The following KLF12 variants were observed in gnomAD, a reference collection of about 807,000 sequenced individuals.
KLF12 encodes the protein KLF transcription factor 12.
KLF12 carries 9 observed loss-of-function variants against 37.8 expected under a neutral mutation model. The ratio of observed to expected loss-of-function variants is 0.24; its 90% CI spans 0.14 to 0.42. KLF12 has a LOEUF of 0.42. Among genes scored for constraint, KLF12 ranks in the 10% least tolerant of loss-of-function variants. KLF12 has a pLI of 1.00. For synonymous variants in KLF12, 208 were observed against 202.1 expected (o/e 1.03, Z -0.25); for missense variants, 411 against 516.0 (o/e 0.80, Z 1.97).
At chr13:74,178,973 TAAAAG>T in the KLF12 span, among the ~76,000 whole-genome samples, 1 of 152,356 alleles carries the variant, frequency 6.6e-6, no homozygotes, top group South Asian at 2.1e-4. Flanking sequence ...TAACTTATCT[TAAAAG>T]AAAAGAGTTA....
At chr13:73,934,532 C>A (rs1889836538) in intron 3 of KLF12, among the ~76,000 whole-genome samples, 1 of 152,134 alleles carries the variant, frequency 6.6e-6, no homozygotes, top group African/African-American at 2.4e-5. Context: ...TACCTAGTAT[C>A]CGTTTCTTTC....
At chr13:74,074,176 G>A (rs1468505698) in intron 1 of KLF12, among the ~76,000 whole-genome samples, 2 of 152,052 alleles carry the variant, frequency 1.3e-5, no homozygotes, top group African/African-American at 2.4e-5. Context: ...GTGTGTGTAC[G>A]CATGCACAGA....
At chr13:74,062,622 T>C (rs1295626825) in intron 1 of KLF12, among the ~76,000 whole-genome samples, 2 of 152,232 alleles carry the variant, frequency 1.3e-5, no homozygotes, top group South Asian at 2.1e-4. Context: ...GGGGTTGTTC[T>C]GAAGTAATTT....
intron 1 of KLF12, among the ~76,000 whole-genome samples, chr13:74,076,897 T>C (rs369998960): frequency 6.5e-4 from 99 of 152,276 alleles, no homozygotes; most frequent in African/African-American, 2.3e-3. Flanking sequence ...ACCTGTGGTA[T>C]TTGGTTTTCT....
chr13:73,722,366 T>G (rs1876332396), intron 6 of KLF12, among the ~76,000 whole-genome samples: 1 of 152,242 alleles, frequency 6.6e-6, no homozygotes, highest in African/African-American at 2.4e-5. Flanking sequence ...AACCAGCAGA[T>G]GGCTCTCAGA....
At chr13:73,873,939 AC>A (rs1419249909) in intron 3 of KLF12, among the ~76,000 whole-genome samples, 9 of 152,320 alleles carry the variant, frequency 5.9e-5, no homozygotes, top group Admixed American at 1.3e-4. Context: ...TCAAAAAAAA[AC>A]ATTGAAGCAA....
intron 3 of KLF12, among the ~76,000 whole-genome samples, chr13:73,883,261 GA>G (rs1039176846): frequency 6.6e-6 from 1 of 152,032 alleles, no homozygotes; most frequent in South Asian, 2.1e-4. Context: ...ATTTGCATGA[GA>G]AAAAAATGAG....
At chr13:74,059,742 GTTGA>G (rs1392911988) in intron 1 of KLF12, among the ~76,000 whole-genome samples, 2 of 152,020 alleles carry the variant, frequency 1.3e-5, no homozygotes, top group Non-Finnish European at 2.9e-5. Context: ...TGTTTATTTT[GTTGA>G]TTATTTCTTT....
At chr13:73,934,846 G>A (rs1437940267) in intron 3 of KLF12, among the ~76,000 whole-genome samples, 2 of 151,760 alleles carry the variant, frequency 1.3e-5, no homozygotes, top group African/African-American at 4.8e-5. Context: ...GGTATGATAA[G>A]CAACTTGCTA....
the KLF12 span, among the ~76,000 whole-genome samples, chr13:74,284,051 G>T: frequency 6.6e-6 from 1 of 152,002 alleles, no homozygotes; most frequent in Non-Finnish European, 1.5e-5. Flanking sequence ...TAGAGATGGA[G>T]TTTCACCGTG....
upstream of KLF12, among the ~76,000 whole-genome samples, chr13:74,136,871 C>T (rs2139053329): frequency 6.6e-6 from 1 of 151,758 alleles, no homozygotes; most frequent in Middle Eastern, 3.5e-3. Flanking sequence ...CTTAAGGCAA[C>T]TTCCTAGCTA....
At chr13:73,830,824 G>A (rs1264469993) in intron 4 of KLF12, among the ~76,000 whole-genome samples, 6 of 152,224 alleles carry the variant, frequency 3.9e-5, no homozygotes, top group Non-Finnish European at 7.4e-5. Flanking sequence ...GTCGATCTCT[G>A]AAACGCAGTG....
chr13:74,157,489 A>G, the KLF12 span, among the ~76,000 whole-genome samples: 1 of 152,194 alleles, frequency 6.6e-6, no homozygotes, highest in South Asian at 2.1e-4. Flanking sequence ...TTGGTAGGGT[A>G]AGGGAGGGAG....
intron 1 of KLF12, among the ~76,000 whole-genome samples, chr13:74,090,474 T>C (rs780142567): frequency 7.2e-5 from 11 of 152,134 alleles, no homozygotes; most frequent in Non-Finnish European, 1.3e-4. Context: ...TTCAATGTAA[T>C]CCCTACCAGA....
chr13:73,811,214 G>C (rs773892043), intron 5 of KLF12, among the ~76,000 whole-genome samples: 47 of 151,842 alleles, frequency 3.1e-4, no homozygotes, highest in Non-Finnish European at 6.2e-4. Flanking sequence ...TTGAACTCCT[G>C]ACATCATGAT....
At chr13:73,866,584 AT>A (rs1886188582) in intron 3 of KLF12, among the ~76,000 whole-genome samples, 1 of 152,294 alleles carries the variant, frequency 6.6e-6, no homozygotes, top group Non-Finnish European at 1.5e-5. Flanking sequence ...ATAAAAAAAA[AT>A]AAAACAATTG....
the KLF12 span, among the ~76,000 whole-genome samples, chr13:74,218,123 TA>T: frequency 1.4e-4 from 21 of 152,246 alleles, no homozygotes; most frequent in African/African-American, 5.1e-4. Context: ...CTGCAAGCCT[TA>T]AAAAAATTGT....
chr13:74,119,628 T>C (rs940889522), intron 1 of KLF12, among the ~76,000 whole-genome samples: 12 of 152,140 alleles, frequency 7.9e-5, no homozygotes, highest in African/African-American at 2.2e-4. Context: ...ATTAGGAAAC[T>C]TGAGGACAGA....
At chr13:73,747,057 T>A (rs1378255849) in intron 6 of KLF12, among the ~76,000 whole-genome samples, 2 of 152,148 alleles carry the variant, frequency 1.3e-5, no homozygotes, top group Non-Finnish European at 2.9e-5. Flanking sequence ...CCTCAAGTGA[T>A]CCACCTGCCT....
Sources: gnomAD v4.1 joint callset for allele counts (sites outside exome capture counted in the v4.1 genomes callset) on GRCh38, gnomAD v4.1.1 for gene constraint, MANE v1.5 for transcripts, NCBI Gene and HGNC (gene_info 2026-07-23, HGNC 2026-07-21) for gene names.